EEF1A2: variants seen among roughly 807,000 people sequenced by gnomAD.
The protein encoded by EEF1A2 is eukaryotic translation elongation factor 1 alpha 2, also known as elongation factor 1-alpha 2.
In EEF1A2, 5 loss-of-function variants were observed where a neutral mutation model predicts 39.3. The observed-to-expected ratio is 0.13, with a 90% CI of 0.07 to 0.27. EEF1A2 has a LOEUF of 0.27. Ranked by LOEUF, EEF1A2 falls within the 10% of genes least tolerant of loss-of-function variation. The probability of loss-of-function intolerance (pLI) is 1.00; values close to 1 mark genes in which losing one functional copy is unlikely to be tolerated. For missense variants in EEF1A2, 218 were observed against 681.4 expected (o/e 0.32, Z 7.57); for synonymous variants, 287 against 293.7 (o/e 0.98, Z 0.23).
chr20:63,491,991 TGGATGGATGGATGAG>T (rs1191265765), intron 5 of EEF1A2, among the ~76,000 whole-genome samples: 2 of 117,754 alleles, frequency 1.7e-5, no homozygotes, highest in Non-Finnish European at 3.4e-5. Context: ...GATGGATGGA[TGGATGGATGGATGAG>T]GAGATGAACG....
intron 7 of EEF1A2, 67 bp from the exon 8 acceptor site, chr20:63,488,492 G>A: frequency 4.5e-6 from 6 of 1,319,388 alleles, no homozygotes; most frequent in Non-Finnish European, 5.8e-6. Context: ...CCAGGGCTCT[G>A]GCCGGGCGGG....
chr20:63,489,732 G>T (rs560463187), intron 6 of EEF1A2, among the ~76,000 whole-genome samples: 1 of 152,188 alleles, frequency 6.6e-6, no homozygotes, highest in East Asian at 1.9e-4. Flanking sequence ...GCAGTGAGCC[G>T]AGATCGCACC....
Position 63,494,975 on chromosome 20 carries a change from C to T in EEF1A2, c.451G>A (p.Gly151Ser). The part of the protein sequence containing the change: ...YTLGVKQLIV[G>S]VNKMDSTEPA... ...TCTGTGGAGTCCATTTTGTTCACGC[C>T]CACGATGAGCTGCTTCACACCCAGC... Residue 151 changes from glycine (G) to serine (S), a missense_variant, in exon 4 of 8, where the codon GGC becomes AGC. This residue lies in a region of EEF1A2 where 79 missense variants were observed against 172.3 expected (regional missense o/e 0.46). Coordinates refer to ENST00000217182, the MANE Select transcript of EEF1A2 (RefSeq NM_001958.5). 1.9e-6 allele frequency: 3 copies of T among 1,612,812 alleles called. No individual in the cohort carries two copies. Among genetic ancestry groups the T allele is most frequent in the Non-Finnish European group, 2.5e-6 (3 of 1,179,984 alleles).
At chr20:63,490,847 C>G in intron 5 of EEF1A2, 112 bp from the exon 6 acceptor site, 1 of 1,343,606 alleles carries the variant, frequency 7.4e-7, no homozygotes, top group Non-Finnish European at 1.0e-6. Context: ...ATCCCCCCGA[C>G]AGGCCTGGGG....
rs1170731512 is a variant in EEF1A2, at chr20:63,488,434, C to CG, written c.1265-10dup. The CG allele has an allele frequency of 9.4e-6, 13 of 1,389,694 alleles. No homozygotes were observed. The East Asian group carries it at 3.5e-4, about 38-fold the overall frequency. 86.1% of individuals were successfully genotyped at this position (1,389,694 alleles called of 1,614,324 possible). A position where few individuals can be genotyped will look rare whatever the true frequency, so the allele number is the denominator to read the frequency against. ...GCGCACGGCGAAGCGGCCTGGGGGG[C>CG]GGGGGGCGGCGTGTGGGCGGGGCCG... On this transcript the variant is annotated splice_polypyrimidine_tract_variant and intron_variant, in intron 7 of 7. Transcript: ENST00000217182.
rs764375867 is a variant in EEF1A2, at chr20:63,496,050, G to T, written c.145-15C>A. ...CCCTTCCCCATCTGGAGCGGGTGAG[G>T]GTCACGGCTGAGGGCGGGACCCGGG... On this transcript the variant is annotated splice_polypyrimidine_tract_variant and intron_variant, in intron 2 of 7. Transcript: ENST00000217182. 2 of 1,611,902 alleles carry T rather than the reference G, an allele frequency of 1.2e-6. No homozygotes were observed. Among genetic ancestry groups the T allele is most frequent in the Non-Finnish European group, 8.5e-7 (1 of 1,179,726 alleles).
intron 7 of EEF1A2, 152 bp from the exon 8 acceptor site, chr20:63,488,577 C>T (rs1400983231): frequency 4.5e-6 from 5 of 1,113,148 alleles, no homozygotes; most frequent in Admixed American, 3.5e-5. Flanking sequence ...GCCGGCCTCG[C>T]GGGAGTCCTG....
chr20:63,493,270 G>A lies in EEF1A2; in HGVS notation c.639C>T (p.Gly213=), dbSNP rs1430418652. 3 of 1,526,436 alleles carry A rather than the reference G, an allele frequency of 2.0e-6. No homozygotes were observed. Among genetic ancestry groups the A allele is most frequent in the Non-Finnish European group, 2.7e-6 (3 of 1,131,678 alleles). 94.6% of individuals were successfully genotyped at this position (1,526,436 alleles called of 1,614,324 possible). A position where few individuals can be genotyped will look rare whatever the true frequency, so the allele number is the denominator to read the frequency against. The part of the protein sequence containing the change: ...EPSPNMPWFK[G]WKVERKEGNA... ...TGCCCTCCTTACGCTCCACCTTCCA[G>A]CCCTTGAACCACGGCATCTGGACCA... is the stretch of plus-strand genomic sequence containing the variant. Residue 213 remains glycine, a synonymous_variant, in exon 5 of 8, where the codon GGC becomes GGT. Coordinates refer to ENST00000217182, the MANE Select transcript of EEF1A2 (RefSeq NM_001958.5).
At chr20:63,491,958 G>A (rs1198917945) in intron 5 of EEF1A2, among the ~76,000 whole-genome samples, 2 of 68,558 alleles carry the variant, frequency 2.9e-5, no homozygotes, top group African/African-American at 1.4e-4. Flanking sequence ...GGATGGGGAG[G>A]TGGATGGATG....
chr20:63,493,282 C>T lies in EEF1A2; in HGVS notation c.627G>A (p.Pro209=), dbSNP rs1187797013. Reference sequence around the variant, plus strand: ...GCTCCACCTTCCAGCCCTTGAACCACGGCATCTGGACCAAAGGGAGAAAAT... The same window carrying T: ...GCTCCACCTTCCAGCCCTTGAACCATGGCATCTGGACCAAAGGGAGAAAAT... The part of the protein sequence containing the change: ...DNMLEPSPNM[P]WFKGWKVERK... Residue 209 remains proline, a synonymous_variant, in exon 5 of 8, where the codon CCG becomes CCA. Coordinates refer to ENST00000217182, the MANE Select transcript of EEF1A2 (RefSeq NM_001958.5). 2.6e-6 allele frequency: 4 copies of T among 1,517,136 alleles called. No individual in the cohort carries two copies. The highest frequency in any genetic ancestry group is 2.5e-5 in the East Asian group (1 of 40,000). 94.0% of individuals were successfully genotyped at this position (1,517,136 alleles called of 1,614,324 possible). A position where few individuals can be genotyped will look rare whatever the true frequency, so the allele number is the denominator to read the frequency against.
intron 4 of EEF1A2, among the ~76,000 whole-genome samples, chr20:63,494,011 A>G (rs74440664): frequency 0.01 from 1,592 of 152,364 alleles, 28 homozygotes; most frequent in African/African-American, 0.035. Flanking sequence ...AACAACACCG[A>G]GCCTCGTGAG....
intron 3 of EEF1A2, 28 bp from the exon 4 acceptor site, chr20:63,495,129 T>C (rs2082411030): frequency 2.5e-6 from 4 of 1,594,752 alleles, no homozygotes; most frequent in Non-Finnish European, 3.4e-6. Context: ...CAGTGAGCCC[T>C]GCCCCGCCTG....
chr20:63,488,862 C>A lies in EEF1A2; in HGVS notation c.1264+56G>T. On this transcript the variant is annotated intron_variant, in intron 7 of 7. Coordinates refer to ENST00000217182, the MANE Select transcript of EEF1A2 (RefSeq NM_001958.5). ...CCCCATCCCCGCAGTCCTCTGCCCT[C>A]AGCCTGGATCAGCCACAGCCTGGGG... The A allele has an allele frequency of 1.9e-6, 3 of 1,580,610 alleles. No individual in the cohort carries two copies. The South Asian group carries it at 3.3e-5, about 18-fold the overall frequency.
intron 2 of EEF1A2, chr20:63,496,297 G>A (rs2082416578): frequency 3.8e-6 from 2 of 530,402 alleles, no homozygotes; most frequent in Non-Finnish European, 3.4e-6. Context: ...GCAAGGGCCT[G>A]GGAGTCGCTC....
chr20:63,489,555 C>G (rs992916411), intron 6 of EEF1A2, among the ~76,000 whole-genome samples: 1 of 152,074 alleles, frequency 6.6e-6, no homozygotes, highest in Non-Finnish European at 1.5e-5. Context: ...GGCTGACGCA[C>G]GTGGATCACT....
intron 5 of EEF1A2, among the ~76,000 whole-genome samples, chr20:63,491,237 G>A (rs2082377333): frequency 6.7e-6 from 1 of 150,374 alleles, no homozygotes; most frequent in African/African-American, 2.5e-5. Context: ...GGCTCTCTGG[G>A]CCCCACTTGG....
chr20:63,490,865 C>G (rs2082375624), intron 5 of EEF1A2, 130 bp from the exon 6 acceptor site: 2 of 1,131,946 alleles, frequency 1.8e-6, no homozygotes, highest in Non-Finnish European at 2.5e-6. Flanking sequence ...GGGGTTGGGG[C>G]CACATGGGCG....
chr20:63,492,227 A>T (rs1441682182), intron 5 of EEF1A2, among the ~76,000 whole-genome samples: 2 of 67,536 alleles, frequency 3.0e-5, no homozygotes, highest in African/African-American at 5.7e-5. Flanking sequence ...GATGGATGGA[A>T]GGATGGATGG....
chr20:63,499,051 T>G lies in EEF1A2; in HGVS notation c.-72+7A>C, dbSNP rs1490008860. 1 of 134,356 alleles carries G rather than the reference T, an allele frequency of 7.4e-6. No individual in the cohort carries two copies. The highest frequency in any genetic ancestry group is 1.6e-5 in the Non-Finnish European group (1 of 61,982). 8.3% of individuals were successfully genotyped at this position (134,356 alleles called of 1,614,324 possible). On this transcript the variant is annotated splice_region_variant and intron_variant, in intron 1 of 7. Transcript: ENST00000217182. ...GGGGCGGAGGCCCGGGGGCCGAGCG[T>G]CCTTACCCGGAGCCGAGGTCTCAGC...
Sources: gnomAD v4.1 joint callset for allele counts (sites outside exome capture counted in the v4.1 genomes callset) on GRCh38, gnomAD v4.1.1 for gene constraint, gnomAD v4.1.1 regional missense constraint, MANE v1.5 for transcripts, NCBI Gene and HGNC (gene_info 2026-07-23, HGNC 2026-07-21) for gene names.